Variants in SIL1 observed in about 807,000 individuals in gnomAD.
The protein encoded by SIL1 is SIL1 nucleotide exchange factor.
In SIL1, 40 loss-of-function variants were observed where a neutral mutation model predicts 49.1. The observed-to-expected ratio is 0.81, with a 90% confidence interval of 0.63 to 1.06. SIL1 has a LOEUF of 1.06. SIL1 is among the 50% of genes least tolerant of loss of function. SIL1 has a pLI of 0.00. For synonymous variants in SIL1, 253 were observed against 250.8 expected (o/e 1.01, Z -0.08); for missense variants, 500 against 572.6 (o/e 0.87, Z 1.29).
intron 3 of SIL1, among the ~76,000 whole-genome samples, chr5:139,078,307 G>A (rs1769997443): frequency 6.6e-6 from 1 of 151,540 alleles, no homozygotes; most frequent in South Asian, 2.1e-4. Context: ...AAGTTACAAA[G>A]AATTATAATG....
At chr5:139,101,911 A>G (rs1303240818) in intron 3 of SIL1, among the ~76,000 whole-genome samples, 1 of 152,170 alleles carries the variant, frequency 6.6e-6, no homozygotes, top group African/African-American at 2.4e-5. Context: ...TAGAGAAGAA[A>G]TTCCAGGGCA....
chr5:138,982,531 A>G (rs1767550744), intron 7 of SIL1, among the ~76,000 whole-genome samples: 1 of 152,202 alleles, frequency 6.6e-6, no homozygotes, highest in South Asian at 2.1e-4. Context: ...TTTTCTTCCA[A>G]AACAATCAGA....
At chr5:139,125,155 GGAGA>G (rs199570452) in intron 2 of SIL1, among the ~76,000 whole-genome samples, 4 of 152,124 alleles carry the variant, frequency 2.6e-5, no homozygotes, top group East Asian at 1.9e-4. Flanking sequence ...GTCCTGAACA[GGAGA>G]GAGAGAGAGG....
intron 7 of SIL1, among the ~76,000 whole-genome samples, chr5:138,960,413 CTTT>C (rs150578906): frequency 5.6e-5 from 7 of 124,250 alleles, no homozygotes; most frequent in Admixed American, 8.1e-5. Flanking sequence ...AAATCTACGT[CTTT>C]TTTTTTTTTT....
At position 139,051,054 on chromosome 5, in the gene SIL1, C is replaced by T. The variant is rs1429617381; in HGVS notation, c.245-8G>A. On this transcript the variant is annotated splice_region_variant and splice_polypyrimidine_tract_variant and intron_variant, in intron 3 of 9. Transcript: ENST00000394817. ...CTGCAGGGACAGCCTGCCCTAAAAGCCAAGAAGAGAAAAGGCTCATGAGGT... is the reference window on the plus strand; with the variant it reads ...CTGCAGGGACAGCCTGCCCTAAAAGTCAAGAAGAGAAAAGGCTCATGAGGT... 1.2e-6 allele frequency: 2 copies of T among 1,613,842 alleles called. No homozygotes were observed. Among genetic ancestry groups the T allele is most frequent in the Admixed American group, 3.3e-5 (2 of 60,008 alleles).
intron 3 of SIL1, among the ~76,000 whole-genome samples, chr5:139,115,727 CT>C (rs1230226606): frequency 6.6e-6 from 1 of 152,196 alleles, no homozygotes; most frequent in Non-Finnish European, 1.5e-5. Context: ...TTCCGTTTGG[CT>C]GTCACTGAGT....
intron 7 of SIL1, among the ~76,000 whole-genome samples, chr5:138,958,350 T>C (rs1766945378): frequency 6.6e-6 from 1 of 152,248 alleles, no homozygotes; most frequent in South Asian, 2.1e-4. Flanking sequence ...GCAAGTGATG[T>C]CCATAAGTCT....
chr5:139,130,716 T>C (rs1750847432), intron 1 of SIL1, among the ~76,000 whole-genome samples: 1 of 152,140 alleles, frequency 6.6e-6, no homozygotes, highest in African/African-American at 2.4e-5. Context: ...ACCCAAAAGG[T>C]GGAAACAATC....
chr5:138,998,802 C>T (rs900940738), intron 7 of SIL1, among the ~76,000 whole-genome samples: 2 of 144,926 alleles, frequency 1.4e-5, no homozygotes, highest in African/African-American at 5.1e-5. Context: ...AATTATCTTT[C>T]TTTTTGTTTT....
rs1482956408 is a variant in SIL1 at position 139,057,016 on chromosome 5, A to AC, written c.245-5971dup. Among the ~76,000 whole-genome samples the AC allele has an allele frequency of 2.6e-5, 4 of 152,166 alleles. No individual in the cohort carries two copies. The East Asian group carries it at 7.7e-4, about 29-fold the overall frequency. On this transcript the variant is annotated intron_variant, in intron 3 of 9. Transcript: ENST00000394817. Reference sequence around the variant, plus strand: ...TGGGATCCTGTTGATGGGTGACCTTACCCCCAACCCTGTGCTCTCTGAAAC... The same window carrying AC: ...TGGGATCCTGTTGATGGGTGACCTTACCCCCCAACCCTGTGCTCTCTGAAAC...
chr5:139,042,166 C>A (rs1204961703), intron 5 of SIL1, among the ~76,000 whole-genome samples: 1 of 152,246 alleles, frequency 6.6e-6, no homozygotes, highest in Non-Finnish European at 1.5e-5. Flanking sequence ...AGAAGAAACA[C>A]ATTTGCTACA....
intron 3 of SIL1, among the ~76,000 whole-genome samples, chr5:139,115,742 A>G (rs1349335591): frequency 6.6e-6 from 1 of 152,122 alleles, no homozygotes; most frequent in Non-Finnish European, 1.5e-5. Context: ...ACTGAGTTGC[A>G]TTTTCATAAC....
intron 8 of SIL1, 59 bp downstream of exon 8, chr5:138,951,728 TC>T: frequency 6.7e-7 from 1 of 1,495,306 alleles, no homozygotes; most frequent in Non-Finnish European, 9.3e-7. Context: ...AGGAACCCTT[TC>T]CTTTCAGGCC....
At position 139,185,085 on chromosome 5, in the gene SIL1, G is replaced by T. The variant is rs550087818; in HGVS notation, c.-11+13184C>A. 2.6e-5 allele frequency among the ~76,000 whole-genome samples: 4 copies of T among 152,318 alleles called. No homozygotes were observed. The East Asian group carries it at 7.7e-4, about 29-fold the overall frequency. On this transcript the variant is annotated intron_variant, in intron 1 of 9. Coordinates refer to ENST00000394817, the MANE Select transcript of SIL1 (RefSeq NM_022464.5). ...TTTCCCAGCCAGGGCCACTGCTTGT[G>T]TGGAGTCTGCTTATTCTCCCCATGT...
At chr5:139,078,280 C>A (rs1442351284) in intron 3 of SIL1, among the ~76,000 whole-genome samples, 1 of 150,948 alleles carries the variant, frequency 6.6e-6, no homozygotes, top group Non-Finnish European at 1.5e-5. Context: ...CATATCTCTA[C>A]CAAAAAAAAA....
Position 138,947,556 on chromosome 5 carries a change from G to C in SIL1, c.1030-83C>G. The C allele has an allele frequency of 2.4e-6, 3 of 1,253,724 alleles. No homozygotes were observed. The South Asian group carries it at 3.6e-5, about 15-fold the overall frequency. The allele number at this position is 1,253,724 out of a possible 1,614,324, so 77.7% of individuals were successfully genotyped here. ...GGAGCAGTTAGCTCACACCTGGCTA[G>C]CTCTGCCCTTCAGACAGGAAGGCAC... On this transcript the variant is annotated intron_variant, in intron 9 of 9. Transcript: ENST00000394817. The surrounding 1 kb of genome is among the most constrained non-coding windows in gnomAD (Gnocchi z 4.1).
intron 7 of SIL1, chr5:139,012,631 C>A (rs1245865482): frequency 2.6e-5 from 4 of 152,074 alleles, no homozygotes; most frequent in Admixed American, 2.6e-4. Context: ...ATGATTTTTT[C>A]TTTTTTCTTT....
intron 2 of SIL1, among the ~76,000 whole-genome samples, chr5:139,126,498 G>C (rs1243057598): frequency 6.6e-6 from 1 of 152,218 alleles, no homozygotes; most frequent in East Asian, 1.9e-4. Context: ...CCTGGGCCCT[G>C]AAGGTTCTTT....
At chr5:139,108,629 T>C (rs1460542696) in intron 3 of SIL1, among the ~76,000 whole-genome samples, 1 of 152,228 alleles carries the variant, frequency 6.6e-6, no homozygotes, top group Non-Finnish European at 1.5e-5. Context: ...GACTTGATTT[T>C]TCCCAAATCC....
Sources: gnomAD v4.1 joint callset for allele counts (sites outside exome capture counted in the v4.1 genomes callset) on GRCh38, gnomAD v4.1.1 for gene constraint, Gnocchi (gnomAD v3.1) non-coding constraint, MANE v1.5 for transcripts, NCBI Gene and HGNC (gene_info 2026-07-23, HGNC 2026-07-21) for gene names.